Variants in SNX24 observed in about 807,000 individuals in gnomAD.
The protein encoded by SNX24 is sorting nexin-24.
SNX24 carries 22 observed loss-of-function variants against 28.7 expected under a neutral mutation model. The ratio of observed to expected loss-of-function variants is 0.77; its 90% CI spans 0.55 to 1.10. The LOEUF (loss-of-function observed/expected upper bound fraction) is 1.10, where lower values mean the gene tolerates loss of function less well. Among genes scored for constraint, SNX24 ranks in the 50% least tolerant of loss-of-function variants. The pLI, the probability that SNX24 is intolerant of heterozygous loss-of-function variation, is 0.00. For synonymous variants in SNX24, 69 were observed against 71.5 expected (o/e 0.96, Z 0.18); for missense variants, 221 against 201.1 (o/e 1.10, Z -0.60).
At chr5:122,945,908 G>A (rs1034051566) in intron 2 of SNX24, 147 bp from the exon 3 acceptor site, 32 of 495,698 alleles carry the variant, frequency 6.5e-5, no homozygotes, top group African/African-American at 4.7e-4. Context: ...CAAAATTGCA[G>A]TGTAATTATA....
intron 2 of SNX24, among the ~76,000 whole-genome samples, chr5:122,945,334 T>C (rs1233951687): frequency 2.0e-5 from 3 of 152,214 alleles, no homozygotes; most frequent in Non-Finnish European, 4.4e-5. Context: ...AAAGTCCCTT[T>C]TGGCATATAA....
At chr5:123,017,483 G>C (rs1561741656) in intron 5 of SNX24, among the ~76,000 whole-genome samples, 2 of 151,408 alleles carry the variant, frequency 1.3e-5, no homozygotes, top group Non-Finnish European at 2.9e-5. Context: ...TAGCTGAAAG[G>C]CAAGTCCAGT....
intron 5 of SNX24, among the ~76,000 whole-genome samples, chr5:123,016,139 T>C (rs76147262): frequency 0.016 from 2,448 of 152,288 alleles, 58 homozygotes; most frequent in African/African-American, 0.042. Context: ...TACAGAATAA[T>C]GTGATATTGG....
chr5:123,015,752 T>G lies in SNX24; in HGVS notation n.384-13486T>G, dbSNP rs12109073. Among the ~76,000 whole-genome samples the G allele has an allele frequency of 3.8e-3, 572 of 152,222 alleles. 4 individuals are homozygous for G. Among genetic ancestry groups the G allele is most frequent in the African/African-American group, 0.013 (529 of 41,528 alleles). ...GCATTTTTAAATGTTCAATTTCTTT[T>G]TAATTAAAAAAGAAAAAAAAACACC... On this transcript the variant is annotated intron_variant and non_coding_transcript_variant, in intron 5 of 5. Coordinates refer to the SNX24 transcript ENST00000502387.
At chr5:123,028,436 C>G in intron 5 of SNX24, 1 of 198,046 alleles carries the variant, frequency 5.0e-6, no homozygotes, top group South Asian at 1.8e-4. Context: ...CCCAGGGGAA[C>G]GCAGCTTCAT....
In SNX24 at chr5:122,863,514, G is replaced by T. The variant is rs1755577291; in HGVS notation, c.60+17821G>T. Among the ~76,000 whole-genome samples, 5 of 150,514 alleles carry T rather than the reference G, an allele frequency of 3.3e-5. No individual in the cohort carries two copies. In the South Asian group the frequency reaches 1.1e-3, roughly 32 times the overall value. Reference sequence around the variant, plus strand: ...TCTGGTAGGCAGCAATAAGGACGTTGGCTTTTCTTTTTTCTTTTTTTTTTT... The same window carrying T: ...TCTGGTAGGCAGCAATAAGGACGTTTGCTTTTCTTTTTTCTTTTTTTTTTT... On this transcript the variant is annotated intron_variant, in intron 1 of 6. Coordinates refer to ENST00000261369, the MANE Select transcript of SNX24 (RefSeq NM_014035.4).
intron 1 of SNX24, among the ~76,000 whole-genome samples, chr5:122,882,770 C>A (rs1410433842): frequency 6.6e-6 from 1 of 152,076 alleles, no homozygotes; most frequent in Non-Finnish European, 1.5e-5. Context: ...ATCTCTCAAT[C>A]TCTGTCTGTA....
At chr5:122,866,233 A>T (rs1204568219) in intron 1 of SNX24, among the ~76,000 whole-genome samples, 1 of 152,044 alleles carries the variant, frequency 6.6e-6, no homozygotes, top group Admixed American at 6.6e-5. Flanking sequence ...CACTGCAACC[A>T]CCACCTCCCA....
chr5:122,900,359 ATTAAAACGTTTTTT>A (rs1757381911), intron 1 of SNX24, among the ~76,000 whole-genome samples: 1 of 152,238 alleles, frequency 6.6e-6, no homozygotes, highest in Non-Finnish European at 1.5e-5. Context: ...AATGTGAACT[ATTAAAACGTTTTTT>A]TTAAAAAAAT....
intron 1 of SNX24, among the ~76,000 whole-genome samples, chr5:122,866,080 A>G (rs1193133860): frequency 1.3e-5 from 2 of 152,236 alleles, no homozygotes; most frequent in East Asian, 3.8e-4. Context: ...TAACAAAATA[A>G]GGAGGAAATA....
intron 3 of SNX24, among the ~76,000 whole-genome samples, chr5:122,959,152 G>A (rs1760354225): frequency 6.6e-6 from 1 of 152,032 alleles, no homozygotes; most frequent in African/African-American, 2.4e-5. Flanking sequence ...TTTGACTATA[G>A]ATTAAATATC....
chr5:123,003,854 A>T (rs932822877), intron 6 of SNX24, among the ~76,000 whole-genome samples: 3 of 152,230 alleles, frequency 2.0e-5, no homozygotes, highest in African/African-American at 7.2e-5. Flanking sequence ...TAAATGGATC[A>T]CAGGTTTGAT....
chr5:122,976,574 C>G (rs1761175682), intron 3 of SNX24, among the ~76,000 whole-genome samples: 1 of 152,140 alleles, frequency 6.6e-6, no homozygotes, highest in African/African-American at 2.4e-5. Context: ...GCTAGTATCC[C>G]CTGGTCAGGT....
intron 3 of SNX24, among the ~76,000 whole-genome samples, chr5:122,977,030 A>C (rs771966920): frequency 1.3e-5 from 2 of 150,490 alleles, no homozygotes; most frequent in Non-Finnish European, 3.0e-5. Flanking sequence ...CCTGTACTGG[A>C]TTTGGTAGTG....
intron 5 of SNX24, among the ~76,000 whole-genome samples, chr5:123,027,176 AG>A (rs1762872077): frequency 6.6e-6 from 1 of 152,142 alleles, no homozygotes; most frequent in Admixed American, 6.5e-5. Flanking sequence ...CCTGGGTGAC[AG>A]AGTGAGACTG....
intron 1 of SNX24, among the ~76,000 whole-genome samples, chr5:122,877,422 G>A (rs1756275011): frequency 6.6e-6 from 1 of 152,208 alleles, no homozygotes; most frequent in African/African-American, 2.4e-5. Context: ...TCAGGTATGG[G>A]ACTATGGCTG....
chr5:122,937,727 C>T (rs372514640), intron 2 of SNX24, among the ~76,000 whole-genome samples: 14 of 152,126 alleles, frequency 9.2e-5, no homozygotes, highest in African/African-American at 3.1e-4. Flanking sequence ...ATCTAGTTCT[C>T]TGGTTAGCAC....
intron 2 of SNX24, among the ~76,000 whole-genome samples, chr5:122,943,631 C>T (rs933085746): frequency 2.0e-5 from 3 of 152,156 alleles, no homozygotes; most frequent in Admixed American, 1.3e-4. Context: ...AGAGGCAGCC[C>T]TCAGCTCCTA....
chr5:122,894,909 C>T lies in SNX24; in HGVS notation c.61-41825C>T, dbSNP rs567386412. Reference sequence around the variant, plus strand: ...TTTCCAAGTAAAAATAAAAAGAAACCTTTTAAATTAAATACTCCTCAGTAA... The same window carrying T: ...TTTCCAAGTAAAAATAAAAAGAAACTTTTTAAATTAAATACTCCTCAGTAA... On this transcript the variant is annotated intron_variant, in intron 1 of 6. Coordinates refer to ENST00000261369, the MANE Select transcript of SNX24 (RefSeq NM_014035.4). Among the ~76,000 whole-genome samples the T allele has an allele frequency of 4.6e-5, 7 of 151,974 alleles. No individual in the cohort carries two copies. The South Asian group carries it at 1.5e-3, about 32-fold the overall frequency.
Sources: gnomAD v4.1 joint callset for allele counts (sites outside exome capture counted in the v4.1 genomes callset) on GRCh38, gnomAD v4.1.1 for gene constraint, MANE v1.5 for transcripts, NCBI Gene and HGNC (gene_info 2026-07-23, HGNC 2026-07-21) for gene names.